Variants in NCKAP5 observed in about 807,000 individuals in gnomAD.
The protein encoded by NCKAP5 is nck-associated protein 5.
NCKAP5 carries 92 observed loss-of-function variants against 167.0 expected under a neutral mutation model. The observed-to-expected ratio is 0.55, with a 90% confidence interval of 0.47 to 0.66. NCKAP5 has a LOEUF of 0.66. NCKAP5 is among the 30% of genes least tolerant of loss of function. NCKAP5 has a pLI of 0.00. For synonymous variants in NCKAP5, 891 were observed against 877.4 expected (o/e 1.02, Z -0.27); for missense variants, 2,378 against 2,315.0 (o/e 1.03, Z -0.56).
chr2:133,592,379 T>C, the NCKAP5 span, among the ~76,000 whole-genome samples: 2 of 152,248 alleles, frequency 1.3e-5, no homozygotes, highest in Non-Finnish European at 1.5e-5. Flanking sequence ...AGATAAGACT[T>C]GTACCTTCAC....
intron 6 of NCKAP5, chr2:133,117,830 TA>T (rs2082129877): frequency 1.3e-5 from 2 of 152,208 alleles, no homozygotes; most frequent in Admixed American, 1.3e-4. Flanking sequence ...GTGATTGAGA[TA>T]TTCATAAGAC....
chr2:133,599,199 G>C, the NCKAP5 span, among the ~76,000 whole-genome samples: 1 of 152,208 alleles, frequency 6.6e-6, no homozygotes, highest in Non-Finnish European at 1.5e-5. Context: ...TTTTGTAGGG[G>C]ACACAATTCA....
intron 6 of NCKAP5, among the ~76,000 whole-genome samples, chr2:133,034,900 C>T (rs2078992508): frequency 6.6e-6 from 1 of 151,740 alleles, no homozygotes; most frequent in Admixed American, 6.6e-5. Flanking sequence ...AAATGGCAGG[C>T]AAAGTCCTTA....
chr2:133,255,931 C>T (rs1201599238), intron 4 of NCKAP5, among the ~76,000 whole-genome samples: 1 of 152,164 alleles, frequency 6.6e-6, no homozygotes, highest in East Asian at 1.9e-4. Context: ...AAGGAACATG[C>T]TTTCCCTTAA....
intron 11 of NCKAP5, among the ~76,000 whole-genome samples, chr2:132,814,444 A>T (rs1439326851): frequency 6.6e-6 from 1 of 152,230 alleles, no homozygotes; most frequent in Non-Finnish European, 1.5e-5. Flanking sequence ...ACAGACATTA[A>T]AGGATTAGCT....
chr2:132,863,307 A>G (rs1413869540), intron 10 of NCKAP5, among the ~76,000 whole-genome samples: 2 of 152,144 alleles, frequency 1.3e-5, no homozygotes, highest in Non-Finnish European at 2.9e-5. Flanking sequence ...GGAAAACACA[A>G]TCATCCTCAT....
intron 3 of NCKAP5, among the ~76,000 whole-genome samples, chr2:133,391,967 G>A (rs1687440763): frequency 6.6e-6 from 1 of 152,136 alleles, no homozygotes; most frequent in Non-Finnish European, 1.5e-5. Context: ...ACGTCCCTTT[G>A]CCAGTTAGGC....
chr2:133,143,373 T>G (rs971053140), intron 5 of NCKAP5, among the ~76,000 whole-genome samples: 29 of 152,134 alleles, frequency 1.9e-4, no homozygotes, highest in Non-Finnish European at 3.5e-4. Context: ...CTGCAAAGCA[T>G]CCACAAATTA....
At chr2:133,270,881 C>T (rs962109311) in intron 4 of NCKAP5, among the ~76,000 whole-genome samples, 3 of 150,506 alleles carry the variant, frequency 2.0e-5, no homozygotes, top group Non-Finnish European at 3.0e-5. Flanking sequence ...TCCCACCCTG[C>T]GGAGTGTACT....
intron 5 of NCKAP5, among the ~76,000 whole-genome samples, chr2:133,202,468 T>A (rs2085740789): frequency 1.3e-5 from 2 of 152,120 alleles, no homozygotes; most frequent in African/African-American, 2.4e-5. Flanking sequence ...ATTCAGGACA[T>A]AGGCATGGAC....
intron 5 of NCKAP5, among the ~76,000 whole-genome samples, chr2:133,165,337 A>G (rs1363930000): frequency 2.0e-5 from 3 of 152,214 alleles, no homozygotes; most frequent in African/African-American, 7.2e-5. Flanking sequence ...CACAGCCTGC[A>G]ACCCAGCTTT....
Position 132,731,911 on chromosome 2 carries a change from C to A in NCKAP5, c.5269G>T (p.Ala1757Ser). Residue 1757 changes from alanine (A) to serine (S), a missense_variant, in exon 17 of 20, where the codon GCC becomes TCC. Ala to Ser is a moderately conservative substitution (Grantham distance 99, BLOSUM62 1). Coordinates refer to ENST00000409261, the MANE Select transcript of NCKAP5 (RefSeq NM_207363.3). ...DAEPLLPLQS[A>S]LSAVSSMRAQ... Reference sequence around the variant, plus strand: ...CTCATGGAAGAAACTGCAGAAAGGGCTGACTGGAGAGGCAGGAGAGGCTCA... The same window carrying A: ...CTCATGGAAGAAACTGCAGAAAGGGATGACTGGAGAGGCAGGAGAGGCTCA... 6.2e-7 allele frequency: 1 copy of A among 1,613,918 alleles called. No homozygotes were observed. The highest frequency in any genetic ancestry group is 8.5e-7 in the Non-Finnish European group (1 of 1,179,886).
the NCKAP5 span, among the ~76,000 whole-genome samples, chr2:133,630,245 C>T: frequency 3.9e-5 from 6 of 151,952 alleles, no homozygotes; most frequent in South Asian, 2.1e-4. Context: ...ATGAAAGTCC[C>T]GAATAAGGAA....
intron 8 of NCKAP5, chr2:132,931,378 C>G (rs1178678087): frequency 6.6e-6 from 1 of 151,562 alleles, no homozygotes; most frequent in Non-Finnish European, 1.5e-5. Flanking sequence ...CGTCACTTCC[C>G]TTTTTTTTTC....
At chr2:132,800,912 C>G (rs930592174) in intron 11 of NCKAP5, among the ~76,000 whole-genome samples, 16 of 152,152 alleles carry the variant, frequency 1.1e-4, no homozygotes, top group African/African-American at 3.9e-4. Context: ...CAGGGACTAG[C>G]TGGGTGTCAC....
At chr2:133,158,843 C>T (rs1346128063) in intron 5 of NCKAP5, among the ~76,000 whole-genome samples, 1 of 151,976 alleles carries the variant, frequency 6.6e-6, no homozygotes, top group African/African-American at 2.4e-5. Context: ...AGAGAACCTA[C>T]TGCTCTTCTG....
intron 8 of NCKAP5, among the ~76,000 whole-genome samples, chr2:132,936,699 G>A (rs1472684337): frequency 6.6e-6 from 1 of 151,670 alleles, no homozygotes; most frequent in African/African-American, 2.4e-5. Flanking sequence ...CATACACATG[G>A]AAAAAAAAGA....
chr2:133,655,008 G>A, the NCKAP5 span, among the ~76,000 whole-genome samples: 8 of 152,128 alleles, frequency 5.3e-5, no homozygotes, highest in Non-Finnish European at 8.8e-5. Context: ...GGCAAACATT[G>A]ACCATCATTC....
chr2:133,124,001 G>T (rs1313210689), intron 6 of NCKAP5, among the ~76,000 whole-genome samples: 1 of 152,184 alleles, frequency 6.6e-6, no homozygotes, highest in Admixed American at 6.5e-5. Context: ...AGCAATGAAT[G>T]AACGAGTTAA....
Sources: allele counts gnomAD v4.1 joint callset (sites outside exome capture counted in the v4.1 genomes callset), GRCh38; gene constraint gnomAD v4.1.1; transcripts MANE v1.5; gene names NCBI Gene and HGNC (gene_info 2026-07-23, HGNC 2026-07-21).